The following NEGR1 variants were observed in gnomAD, a reference collection of about 807,000 sequenced individuals.
NEGR1 encodes IgLON family member 4.
Under a neutral mutation model 40.9 loss-of-function variants are expected in NEGR1, and 10 were observed. The ratio of observed to expected loss-of-function variants is 0.24; its 90% CI spans 0.15 to 0.42. The LOEUF (loss-of-function observed/expected upper bound fraction) is 0.42. Ranked by LOEUF, NEGR1 falls within the 10% of genes least tolerant of loss-of-function variation. The pLI is 1.00. For missense variants in NEGR1, 352 were observed against 438.9 expected (o/e 0.80, Z 1.77); for synonymous variants, 185 against 166.8 (o/e 1.11, Z -0.84).
chr1:71,581,415 A>G (rs1023892096), intron 6 of NEGR1, among the ~76,000 whole-genome samples: 14 of 152,196 alleles, frequency 9.2e-5, no homozygotes, highest in Admixed American at 8.5e-4. Context: ...TTCCAAAACT[A>G]TTCTCCGATT....
At chr1:71,709,723 G>T (rs1298592838) in intron 3 of NEGR1, among the ~76,000 whole-genome samples, 1 of 152,146 alleles carries the variant, frequency 6.6e-6, no homozygotes, top group South Asian at 2.1e-4. Flanking sequence ...AAATAAAAAT[G>T]GATTAAAGAC....
chr1:72,281,887 G>T (rs1656267307), intron 1 of NEGR1, among the ~76,000 whole-genome samples: 1 of 152,178 alleles, frequency 6.6e-6, no homozygotes, highest in Non-Finnish European at 1.5e-5. Context: ...AAGTGTCCAA[G>T]TGAGAGGGAA....
intron 1 of NEGR1, among the ~76,000 whole-genome samples, chr1:72,118,637 G>C (rs950043380): frequency 6.6e-6 from 1 of 151,654 alleles, no homozygotes; most frequent in Non-Finnish European, 1.5e-5. Context: ...ATTACTGGAG[G>C]GTTTTCCCAG....
chr1:72,042,424 C>T (rs923505332), intron 1 of NEGR1, among the ~76,000 whole-genome samples: 15 of 151,816 alleles, frequency 9.9e-5, no homozygotes, highest in Admixed American at 7.9e-4. Flanking sequence ...TTCCTGCATA[C>T]AAGGAAACAC....
intron 1 of NEGR1, among the ~76,000 whole-genome samples, chr1:72,238,333 A>G (rs1443434135): frequency 6.6e-6 from 1 of 151,960 alleles, no homozygotes; most frequent in East Asian, 1.9e-4. Context: ...GGTAATAATT[A>G]AAATACATGT....
chr1:72,278,459 G>A (rs1180996262), intron 1 of NEGR1, among the ~76,000 whole-genome samples: 1 of 152,016 alleles, frequency 6.6e-6, no homozygotes, highest in African/African-American at 2.4e-5. Context: ...TTGTTTCCAA[G>A]GGGTATTAAA....
intron 1 of NEGR1, among the ~76,000 whole-genome samples, chr1:72,112,461 C>A (rs1649411646): frequency 6.6e-6 from 1 of 151,188 alleles, no homozygotes; most frequent in Admixed American, 6.6e-5. Context: ...TTCTTCTTCC[C>A]ACCATGTTTT....
chr1:72,021,823 G>A (rs1646759000), intron 1 of NEGR1, among the ~76,000 whole-genome samples: 1 of 152,114 alleles, frequency 6.6e-6, no homozygotes, highest in African/African-American at 2.4e-5. Flanking sequence ...ATAATCCAAA[G>A]TTAAAACTTT....
At chr1:71,662,164 C>T (rs1179654762) in intron 4 of NEGR1, among the ~76,000 whole-genome samples, 1 of 152,090 alleles carries the variant, frequency 6.6e-6, no homozygotes, top group Admixed American at 6.6e-5. Context: ...GGTGCAAGAC[C>T]TTGAACAAAT....
At chr1:71,471,835 C>T (rs1646784156) in intron 6 of NEGR1, among the ~76,000 whole-genome samples, 1 of 152,012 alleles carries the variant, frequency 6.6e-6, no homozygotes, top group South Asian at 2.1e-4. Flanking sequence ...TTTGAGGAGC[C>T]AGTATTCCAC....
intron 2 of NEGR1, among the ~76,000 whole-genome samples, chr1:71,882,888 G>A (rs1161378561): frequency 6.6e-6 from 1 of 152,060 alleles, no homozygotes; most frequent in African/African-American, 2.4e-5. Context: ...TATTTCATTT[G>A]AGAGTCATGT....
intron 3 of NEGR1, among the ~76,000 whole-genome samples, chr1:71,704,330 T>C (rs115978508): frequency 0.018 from 2,806 of 151,990 alleles, 64 homozygotes; most frequent in African/African-American, 0.055. Flanking sequence ...AGATGAACAG[T>C]CAACAGTGAA....
intron 2 of NEGR1, among the ~76,000 whole-genome samples, chr1:71,808,846 T>A (rs1657877216): frequency 6.6e-6 from 1 of 152,144 alleles, no homozygotes; most frequent in Non-Finnish European, 1.5e-5. Context: ...AGCTTCTAAA[T>A]CAATGCATAC....
chr1:71,642,499 C>T (rs1651386653), intron 4 of NEGR1, among the ~76,000 whole-genome samples: 2 of 151,790 alleles, frequency 1.3e-5, no homozygotes, highest in South Asian at 2.1e-4. Flanking sequence ...TAAGCCCTTG[C>T]TCTCTCAAAG....
At chr1:72,113,206 G>A (rs1340537080) in intron 1 of NEGR1, among the ~76,000 whole-genome samples, 1 of 151,618 alleles carries the variant, frequency 6.6e-6, no homozygotes, top group Admixed American at 6.6e-5. Flanking sequence ...GTGGACCAAA[G>A]GCCTAAGTCT....
chr1:71,535,392 TC>T (rs1210683990), intron 6 of NEGR1, among the ~76,000 whole-genome samples: 2 of 151,718 alleles, frequency 1.3e-5, no homozygotes, highest in African/African-American at 4.8e-5. Flanking sequence ...ACCAAGCTCT[TC>T]TTTGTACTTG....
chr1:72,157,094 C>T (rs1174346736), intron 1 of NEGR1, among the ~76,000 whole-genome samples: 1 of 152,034 alleles, frequency 6.6e-6, no homozygotes, highest in Non-Finnish European at 1.5e-5. Flanking sequence ...TCCTGAGTAG[C>T]TGGGACTATA....
intron 1 of NEGR1, among the ~76,000 whole-genome samples, chr1:72,262,070 C>T (rs908470780): frequency 2.0e-5 from 3 of 151,838 alleles, no homozygotes; most frequent in African/African-American, 4.8e-5. Flanking sequence ...GAGCATATCA[C>T]GTGGGGGAAA....
At chr1:72,243,340 T>C (rs1654807817) in intron 1 of NEGR1, among the ~76,000 whole-genome samples, 1 of 151,814 alleles carries the variant, frequency 6.6e-6, no homozygotes, top group Non-Finnish European at 1.5e-5. Context: ...CTCTTCTGTA[T>C]AAATGAGAAG....
Sources: allele counts gnomAD v4.1 joint callset (sites outside exome capture counted in the v4.1 genomes callset), GRCh38; gene constraint gnomAD v4.1.1; transcripts MANE v1.5; gene names NCBI Gene and HGNC (gene_info 2026-07-23, HGNC 2026-07-21).